Variants in TRIM24 observed in about 807,000 individuals in gnomAD.
TRIM24 encodes tripartite motif containing 24.
In TRIM24, 29 loss-of-function variants were observed where a neutral mutation model predicts 123.9. The observed-to-expected ratio is 0.23, with a 90% CI of 0.17 to 0.32. TRIM24 has a LOEUF of 0.32. Ranked by LOEUF, TRIM24 falls within the 10% of genes least tolerant of loss-of-function variation. The pLI, the probability that TRIM24 is intolerant of heterozygous loss-of-function variation, is 1.00. For synonymous variants in TRIM24, 456 were observed against 461.1 expected (o/e 0.99, Z 0.14); for missense variants, 932 against 1,295.3 (o/e 0.72, Z 4.31).
intron 3 of TRIM24, among the ~76,000 whole-genome samples, chr7:138,516,783 G>C (rs779797566): frequency 6.6e-6 from 1 of 150,768 alleles, no homozygotes; most frequent in Non-Finnish European, 1.5e-5. Context: ...CCATGTAATA[G>C]CATGTATCAA....
intron 1 of TRIM24, among the ~76,000 whole-genome samples, chr7:138,499,666 C>T (rs1241768313): frequency 1.3e-5 from 2 of 152,158 alleles, no homozygotes; most frequent in Non-Finnish European, 2.9e-5. Flanking sequence ...TCCTCCTTGT[C>T]TCAGGATGCT....
At chr7:138,522,383 G>A (rs779194046) in intron 4 of TRIM24, among the ~76,000 whole-genome samples, 37 of 151,488 alleles carry the variant, frequency 2.4e-4, no homozygotes, top group African/African-American at 8.2e-4. Context: ...TTAACATAAC[G>A]TCTTATGGAC....
intron 1 of TRIM24, among the ~76,000 whole-genome samples, chr7:138,465,690 A>T (rs182725414): frequency 6.6e-6 from 1 of 152,314 alleles, no homozygotes; most frequent in East Asian, 1.9e-4. Context: ...ATGGCAAAGG[A>T]TTAATATTTA....
rs1181639891 is a variant in TRIM24 at position 138,581,669 on chromosome 7, A to G, written c.2719-28A>G. On this transcript the variant is annotated intron_variant, in intron 16 of 18. Coordinates refer to ENST00000343526, the MANE Select transcript of TRIM24 (RefSeq NM_015905.3). The stretch of plus-strand genomic sequence containing the variant: ...TGAATTCATTGTTTTATAATATTTT[A>G]TCTCAGTTTTTATTTATTTTTGCTT... 1.9e-6 allele frequency: 3 copies of G among 1,547,938 alleles called. No individual in the cohort carries two copies. The Admixed American group carries it at 5.2e-5, about 27-fold the overall frequency.
At position 138,461,259 on chromosome 7, in the gene TRIM24, A is replaced by T. The variant is rs759601625; in HGVS notation, c.364+347A>T. 8.6e-6 allele frequency: 5 copies of T among 584,126 alleles called. No individual in the cohort carries two copies. In the East Asian group the frequency reaches 1.3e-4, roughly 15 times the overall value. The allele number at this position is 584,126 out of a possible 1,614,324, so 36.2% of individuals were successfully genotyped here. A position where few individuals can be genotyped will look rare whatever the true frequency, so the allele number is the denominator to read the frequency against. On this transcript the variant is annotated intron_variant, in intron 1 of 18. Coordinates refer to ENST00000343526, the MANE Select transcript of TRIM24 (RefSeq NM_015905.3). ...CTCGGGTTCTTTGCCGGCTGCAGCC[A>T]GTTAACTGCTACCCGCCCGCTGCCT...
Position 138,586,311 on chromosome 7 carries a change from G to T in TRIM24, c.*1360G>T, listed in dbSNP as rs907996237. 2 of 157,986 alleles carry T rather than the reference G, an allele frequency of 1.3e-5. No individual in the cohort carries two copies. The highest frequency in any genetic ancestry group is 4.8e-5 in the African/African-American group (2 of 41,454). The allele number at this position is 157,986 out of a possible 1,614,324, so 9.8% of individuals were successfully genotyped here. A position where few individuals can be genotyped will look rare whatever the true frequency, so the allele number is the denominator to read the frequency against. ...AACTGGAGTAAATTTTTCTCCTTAG[G>T]ATGATAGAATAAAAAGAGCTCACTT... On this transcript the variant is annotated 3_prime_UTR_variant, in exon 19 of 19. Transcript: ENST00000343526.
At chr7:138,491,713 A>T (rs1795786835) in intron 1 of TRIM24, among the ~76,000 whole-genome samples, 1 of 152,180 alleles carries the variant, frequency 6.6e-6, no homozygotes, top group African/African-American at 2.4e-5. Context: ...AATGGCTGTT[A>T]GCTTTTTGGT....
chr7:138,464,357 C>G lies in TRIM24; in HGVS notation c.364+3445C>G, dbSNP rs143917533. 2.0e-5 allele frequency among the ~76,000 whole-genome samples: 3 copies of G among 151,918 alleles called. No individual in the cohort carries two copies. In the East Asian group the frequency reaches 5.8e-4, roughly 29 times the overall value. On this transcript the variant is annotated intron_variant, in intron 1 of 18. Transcript: ENST00000343526. ...TTGATCAAACCAGTTCTTCATTTTCCTACTGAATTTGTGAGTACAGGCATC... is the reference window on the plus strand; with the variant it reads ...TTGATCAAACCAGTTCTTCATTTTCGTACTGAATTTGTGAGTACAGGCATC...
chr7:138,538,908 C>A, intron 7 of TRIM24, 105 bp downstream of exon 7: 1 of 1,032,846 alleles, frequency 9.7e-7, no homozygotes, highest in Non-Finnish European at 1.3e-6. Flanking sequence ...GTGCTTTTTA[C>A]CTATTTCTAA....
At position 138,554,848 on chromosome 7, in the gene TRIM24, A is replaced by G; in HGVS notation, c.1412A>G (p.Gln471Arg). ...TQISLAQLRLQHMQQQVMAQR... is the reference protein window; with the variant it reads ...TQISLAQLRLRHMQQQVMAQR... Reference sequence around the variant, plus strand: ...ATCAGCCTAGCTCAATTACGGCTCCAGCATATGCAGCAACAGGTAATGGCT... The same window carrying G: ...ATCAGCCTAGCTCAATTACGGCTCCGGCATATGCAGCAACAGGTAATGGCT... Residue 471 changes from glutamine (Q) to arginine (R), a missense_variant, in exon 9 of 19, where the codon CAG (glutamine) becomes CGG (arginine). This residue lies in a region of TRIM24 where 527 missense variants were observed against 691.3 expected (regional missense o/e 0.76). Coordinates refer to ENST00000343526, the MANE Select transcript of TRIM24 (RefSeq NM_015905.3). The surrounding 1 kb of genome is among the most constrained non-coding windows in gnomAD (Gnocchi z 4.5). 1.9e-6 allele frequency: 3 copies of G among 1,614,172 alleles called. No homozygotes were observed. Among genetic ancestry groups the G allele is most frequent in the Non-Finnish European group, 2.5e-6 (3 of 1,180,010 alleles).
intron 6 of TRIM24, among the ~76,000 whole-genome samples, chr7:138,533,039 C>T (rs1202956200): frequency 6.6e-6 from 1 of 152,162 alleles, no homozygotes; most frequent in Non-Finnish European, 1.5e-5. Flanking sequence ...TATAAGAATG[C>T]TTGTGATTTT....
chr7:138,582,375 T>TACTAAAAATACAAAAA (rs1797914770), intron 17 of TRIM24, among the ~76,000 whole-genome samples: 4 of 152,050 alleles, frequency 2.6e-5, no homozygotes, highest in African/African-American at 9.7e-5. Flanking sequence ...ACCCCGTCTC[T>TACTAAAAATACAAAAA]ACTAAAAATA....
At position 138,554,565 on chromosome 7, in the gene TRIM24, A is replaced by G; in HGVS notation, c.1262-133A>G. On this transcript the variant is annotated intron_variant, in intron 8 of 18. Transcript: ENST00000343526. The surrounding 1 kb of genome is among the most constrained non-coding windows in gnomAD (Gnocchi z 4.5). ...AAAAGCTGTTTGGGGGTTCTCTTTC[A>G]GAGTGTTAAAGGGCTCATGAGATCA... The G allele has an allele frequency of 1.2e-6, 1 of 818,514 alleles. No homozygotes were observed. The highest frequency in any genetic ancestry group is 2.0e-5 in the South Asian group (1 of 48,802). The allele number at this position is 818,514 out of a possible 1,614,324, so 50.7% of individuals were successfully genotyped here.
intron 13 of TRIM24, 88 bp downstream of exon 13, chr7:138,576,533 A>ATATT: frequency 8.9e-7 from 1 of 1,122,130 alleles, no homozygotes; most frequent in Non-Finnish European, 1.3e-6. Flanking sequence ...GATACTCAAT[A>ATATT]TATTTTGAAC....
chr7:138,494,042 C>T (rs780632428), intron 1 of TRIM24, among the ~76,000 whole-genome samples: 11 of 151,958 alleles, frequency 7.2e-5, no homozygotes, highest in Admixed American at 1.3e-4. Flanking sequence ...AGTGCAATGG[C>T]GCGATCTCAG....
In TRIM24 at chr7:138,567,612, C is replaced by G. The variant is rs1328871206; in HGVS notation, c.1662C>G (p.Asn554Lys). ...QNIPRQAIKPNPLQMAFLAQQ... is the reference protein window; with the variant it reads ...QNIPRQAIKPKPLQMAFLAQQ... The stretch of plus-strand genomic sequence containing the variant: ...TACCACGACAAGCAATAAAGCCAAA[C>G]CCCCTACAGATGGCTTTCTTGGCTC... The change falls in exon 10 of 19, where the codon AAC (asparagine) becomes AAG (lysine). Residue 554 changes from asparagine to lysine, a missense_variant. Physicochemically the swap from Asn to Lys is moderately conservative, Grantham distance 94 (BLOSUM62 0). Around this residue, in one of 7 missense-constraint regions of TRIM24, gnomAD observed 527 missense variants for 691.3 expected, o/e 0.76. Coordinates refer to ENST00000343526, the MANE Select transcript of TRIM24 (RefSeq NM_015905.3). 1 of 1,613,346 alleles carries G rather than the reference C, an allele frequency of 6.2e-7. No homozygotes were observed. Among genetic ancestry groups the G allele is most frequent in the Non-Finnish European group, 8.5e-7 (1 of 1,179,760 alleles).
chr7:138,469,175 C>G lies in TRIM24; in HGVS notation c.364+8263C>G, dbSNP rs1795215533. ...AAGAATGCTTTTTAATTTCATTGTA[C>G]CTTTTTAAATATACCCAAATGTGGG... On this transcript the variant is annotated intron_variant, in intron 1 of 18. Coordinates refer to ENST00000343526, the MANE Select transcript of TRIM24 (RefSeq NM_015905.3). Among the ~76,000 whole-genome samples the G allele has an allele frequency of 2.0e-5, 3 of 151,940 alleles. No individual in the cohort carries two copies. In the South Asian group the frequency reaches 6.2e-4, roughly 31 times the overall value.
intron 1 of TRIM24, among the ~76,000 whole-genome samples, chr7:138,478,235 A>T (rs1795445960): frequency 6.6e-6 from 1 of 152,206 alleles, no homozygotes; most frequent in Non-Finnish European, 1.5e-5. Flanking sequence ...CTGGACAGGT[A>T]AGCCTTGTGG....
At chr7:138,497,877 G>C (rs939303720) in intron 1 of TRIM24, among the ~76,000 whole-genome samples, 1 of 151,692 alleles carries the variant, frequency 6.6e-6, no homozygotes, top group Non-Finnish European at 1.5e-5. Context: ...TTTATTTGTA[G>C]AGGTGGGGTT....
Sources: allele counts gnomAD v4.1 joint callset (sites outside exome capture counted in the v4.1 genomes callset), GRCh38; gene constraint gnomAD v4.1.1; regional missense constraint gnomAD v4.1.1; non-coding constraint Gnocchi (gnomAD v3.1); transcripts MANE v1.5; gene names NCBI Gene and HGNC (gene_info 2026-07-23, HGNC 2026-07-21).